SIK3: variants seen among roughly 807,000 people sequenced by gnomAD.
SIK3 encodes SIK family kinase 3, also known as serine/threonine-protein kinase SIK3.
Under a neutral mutation model 144.2 loss-of-function variants are expected in SIK3, and 28 were observed. The observed-to-expected ratio is 0.19, with a 90% CI of 0.14 to 0.27. The LOEUF (loss-of-function observed/expected upper bound fraction) is 0.27. Ranked by LOEUF, SIK3 falls within the 10% of genes least tolerant of loss-of-function variation. The probability of loss-of-function intolerance (pLI) is 1.00; values close to 1 mark genes in which losing one functional copy is unlikely to be tolerated. For synonymous variants in SIK3, 686 were observed against 676.3 expected (o/e 1.01, Z -0.22); for missense variants, 1,319 against 1,776.0 (o/e 0.74, Z 4.62).
intron 4 of SIK3, among the ~76,000 whole-genome samples, chr11:116,922,742 CATG>C (rs1298895609): frequency 6.7e-6 from 1 of 149,896 alleles, no homozygotes; most frequent in Non-Finnish European, 1.5e-5. Flanking sequence ...AAACTGGATG[CATG>C]ATTATTTTCA....
At chr11:116,865,373 G>C (rs1943576782) in intron 15 of SIK3, among the ~76,000 whole-genome samples, 1 of 152,118 alleles carries the variant, frequency 6.6e-6, no homozygotes, top group Admixed American at 6.6e-5. Context: ...TGAAGAGACT[G>C]ATACCCAGGT....
intron 1 of SIK3, among the ~76,000 whole-genome samples, chr11:117,084,493 T>C (rs951311660): frequency 2.0e-5 from 3 of 152,202 alleles, no homozygotes; most frequent in Non-Finnish European, 2.9e-5. Context: ...CTGGAACTCC[T>C]GACCTCAGGT....
intron 4 of SIK3, among the ~76,000 whole-genome samples, chr11:116,899,730 G>A (rs1225561761): frequency 6.6e-6 from 1 of 152,170 alleles, no homozygotes. Context: ...GCTGGCCAAA[G>A]GATTGAGTCT....
At chr11:117,081,892 G>A (rs968755842) in intron 1 of SIK3, among the ~76,000 whole-genome samples, 3 of 152,116 alleles carry the variant, frequency 2.0e-5, no homozygotes, top group African/African-American at 2.4e-5. Flanking sequence ...TCATGTATCC[G>A]ATAAGGGACT....
Position 116,925,811 on chromosome 11 carries a change from C to T in SIK3, c.616+1408G>A, listed in dbSNP as rs144924172. Among the ~76,000 whole-genome samples, 24 of 152,168 alleles carry T rather than the reference C, an allele frequency of 1.6e-4. No individual in the cohort carries two copies. In the East Asian group the frequency reaches 4.1e-3, roughly 26 times the overall value. On this transcript the variant is annotated intron_variant, in intron 4 of 24. Coordinates refer to ENST00000445177, the MANE Select transcript of SIK3 (RefSeq NM_001366686.3). The stretch of plus-strand genomic sequence containing the variant: ...TATAGAGCTTTGGAGAAAATAAAAC[C>T]GACATGAGAGCAAAGGAAAAACATG...
rs147907970 is a variant in SIK3, at chr11:116,900,855, T to C, written c.617-3538A>G. ...CTGTTCTGTCATATACATATACATA[T>C]ATATTATTTATTTTTTTTTTTTTTT... On this transcript the variant is annotated intron_variant, in intron 4 of 24. Coordinates refer to ENST00000445177, the MANE Select transcript of SIK3 (RefSeq NM_001366686.3). 3.3e-3 allele frequency among the ~76,000 whole-genome samples: 500 copies of C among 150,566 alleles called. 2 individuals carry two copies. Among genetic ancestry groups the C allele is most frequent in the African/African-American group, 0.012 (478 of 40,240 alleles).
At chr11:116,868,648 C>G (rs569106610) in intron 14 of SIK3, 2 of 154,018 alleles carry the variant, frequency 1.3e-5, no homozygotes, top group East Asian at 3.8e-4. Context: ...GTGACTATAA[C>G]TCAATCATCA....
At chr11:117,092,042 C>G (rs1329104362) in intron 1 of SIK3, among the ~76,000 whole-genome samples, 1 of 152,150 alleles carries the variant, frequency 6.6e-6, no homozygotes, top group African/African-American at 2.4e-5. Flanking sequence ...CTCATGCCCC[C>G]CCAAAGCACT....
chr11:116,914,081 G>C (rs1946483297), intron 4 of SIK3, among the ~76,000 whole-genome samples: 1 of 149,914 alleles, frequency 6.7e-6, no homozygotes, highest in African/African-American at 2.4e-5. Flanking sequence ...TACTATCTTA[G>C]ATTAAAGCTA....
chr11:116,954,601 C>T (rs1029851195), intron 2 of SIK3, among the ~76,000 whole-genome samples: 7 of 151,862 alleles, frequency 4.6e-5, no homozygotes, highest in African/African-American at 1.7e-4. Flanking sequence ...CTTTCCACTG[C>T]CCATTTATTT....
At chr11:117,013,944 G>T (rs1591536554) in intron 1 of SIK3, among the ~76,000 whole-genome samples, 1 of 65,076 alleles carries the variant, frequency 1.5e-5, no homozygotes, top group Non-Finnish European at 4.1e-5. Flanking sequence ...GTGTGTGTGT[G>T]TGTGTGTTTT....
chr11:116,862,145 A>C lies in SIK3; in HGVS notation c.2229+57T>G, dbSNP rs1254805624. On this transcript the variant is annotated intron_variant, in intron 17 of 24. Coordinates refer to ENST00000445177, the MANE Select transcript of SIK3 (RefSeq NM_001366686.3). ...TGGTCTCCTCCAAAATGCACAGGCAAATCAGCCTGAAAGCAAACTCCAAAC... is the reference window on the plus strand; with the variant it reads ...TGGTCTCCTCCAAAATGCACAGGCACATCAGCCTGAAAGCAAACTCCAAAC... 2.5e-6 allele frequency: 4 copies of C among 1,612,988 alleles called. No individual in the cohort carries two copies. The East Asian group carries it at 8.9e-5, about 36-fold the overall frequency.
intron 1 of SIK3, among the ~76,000 whole-genome samples, chr11:116,982,762 T>C (rs1950190152): frequency 6.6e-6 from 1 of 151,246 alleles, no homozygotes; most frequent in Non-Finnish European, 1.5e-5. Flanking sequence ...AAGGCCAACA[T>C]GGTGAAAACC....
intron 15 of SIK3, among the ~76,000 whole-genome samples, chr11:116,865,371 C>T (rs1943576575): frequency 6.6e-6 from 1 of 152,144 alleles, no homozygotes; most frequent in Non-Finnish European, 1.5e-5. Flanking sequence ...TGTGAAGAGA[C>T]TGATACCCAG....
At chr11:117,091,348 G>A (rs993209470) in intron 1 of SIK3, among the ~76,000 whole-genome samples, 1 of 151,848 alleles carries the variant, frequency 6.6e-6, no homozygotes, top group Non-Finnish European at 1.5e-5. Context: ...GGGATTACAG[G>A]CATGTACCAC....
chr11:117,016,032 T>TA (rs1951508810), intron 1 of SIK3: 1 of 151,834 alleles, frequency 6.6e-6, no homozygotes, highest in Non-Finnish European at 1.5e-5. Flanking sequence ...AAACTGAAGA[T>TA]AAAGAAATCC....
chr11:117,047,566 A>G (rs1359134216), intron 1 of SIK3, among the ~76,000 whole-genome samples: 1 of 152,246 alleles, frequency 6.6e-6, no homozygotes, highest in Non-Finnish European at 1.5e-5. Context: ...AGATATTCTT[A>G]GACATGTCCT....
rs550493706 is a variant in SIK3 at position 116,846,443 on chromosome 11, A to G, written c.4063T>C (p.Tyr1355His). ...STCITDILLS[Y>H]KHPEVSFSME... ...CTGAAGGAGACTTCGGGGTGCTTGT[A>G]GCTGAGCAGAATGTCTGTAATACAC... Residue 1355 changes from tyrosine to histidine, a missense_variant, in exon 24 of 25, where the codon TAC becomes CAC. Tyr to His is a moderately conservative substitution (Grantham distance 83, BLOSUM62 2). Around this residue, in one of 8 missense-constraint regions of SIK3, gnomAD observed 646 missense variants for 763.7 expected, o/e 0.85. Transcript: ENST00000445177. The surrounding 1 kb of genome is among the most constrained non-coding windows in gnomAD (Gnocchi z 4.1). 1 of 1,614,232 alleles carries G rather than the reference A, an allele frequency of 6.2e-7. No homozygotes were observed. Among genetic ancestry groups the G allele is most frequent in the Admixed American group, 1.7e-5 (1 of 60,034 alleles).
At chr11:116,908,054 A>G (rs754055310) in intron 4 of SIK3, among the ~76,000 whole-genome samples, 14 of 152,182 alleles carry the variant, frequency 9.2e-5, no homozygotes, top group Non-Finnish European at 1.8e-4. Flanking sequence ...CAAACAAGAA[A>G]CAAAAAGTGC....
Sources: allele counts gnomAD v4.1 joint callset (sites outside exome capture counted in the v4.1 genomes callset), GRCh38; gene constraint gnomAD v4.1.1; regional missense constraint gnomAD v4.1.1; non-coding constraint Gnocchi (gnomAD v3.1); transcripts MANE v1.5; gene names NCBI Gene and HGNC (gene_info 2026-07-23, HGNC 2026-07-21).